Variants in DTX1 observed in about 807,000 individuals in gnomAD.
DTX1 encodes the protein deltex E3 ubiquitin ligase 1, also known as E3 ubiquitin-protein ligase DTX1.
Under a neutral mutation model 57.8 loss-of-function variants are expected in DTX1, and 26 were observed. The observed-to-expected ratio is 0.45, with a 90% CI of 0.33 to 0.62. The LOEUF (loss-of-function observed/expected upper bound fraction) is 0.62. Ranked by LOEUF, DTX1 falls within the 20% of genes least tolerant of loss-of-function variation. The pLI is 0.02. For missense variants in DTX1, 704 were observed against 895.3 expected (o/e 0.79, Z 2.73); for synonymous variants, 398 against 394.1 (o/e 1.01, Z -0.12).
In DTX1 at chr12:113,078,050, C is replaced by T. The variant is rs1189471058; in HGVS notation, c.886C>T (p.Arg296Trp). 2.2e-6 allele frequency: 3 copies of T among 1,359,792 alleles called. No homozygotes were observed. The highest frequency in any genetic ancestry group is 1.5e-5 in the African/African-American group (1 of 65,780). The allele number at this position is 1,359,792 out of a possible 1,614,324, so 84.2% of individuals were successfully genotyped here. A position where few individuals can be genotyped will look rare whatever the true frequency, so the allele number is the denominator to read the frequency against. ...ARTPGQNNLN[R>W]PGPQRTTSVS... ...CACCCCGGGGCAGAACAACCTCAAC[C>T]GGCCCGGGCCCCAGCGCACCACCAG... Residue 296 changes from arginine to tryptophan, a missense_variant, in exon 3 of 10, where the codon CGG becomes TGG. Arg to Trp is a moderately radical substitution (Grantham distance 101). Around this residue, in one of 3 missense-constraint regions of DTX1, gnomAD observed 299 missense variants for 311.2 expected, o/e 0.96. Transcript: ENST00000548759.
chr12:113,095,282 C>CACCT, intron 8 of DTX1, 43 bp from the exon 9 acceptor site: 1 of 1,612,716 alleles, frequency 6.2e-7, no homozygotes, highest in Non-Finnish European at 8.5e-7. Context: ...ACCCTGCCAC[C>CACCT]ACCTGTTCAT....
chr12:113,093,436 AACCCTCCCACCCACCCGAG>A lies in DTX1; in HGVS notation c.1004-102_1004-84del. On this transcript the variant is annotated intron_variant, in intron 4 of 9. Coordinates refer to ENST00000548759, the MANE Select transcript of DTX1 (RefSeq NM_004416.3). The surrounding 1 kb of genome is among the most constrained non-coding windows in gnomAD (Gnocchi z 4.2). ...CTGAGTGGGTGGGGCCCAAGAGCGC[AACCCTCCCACCCACCCGAG>A]GGCCCCGGGATTCCCAGGGCCAGTG... is the stretch of plus-strand genomic sequence containing the variant. 2.3e-6 allele frequency: 2 copies of A among 876,258 alleles called. No individual in the cohort carries two copies. Among genetic ancestry groups the A allele is most frequent in the Non-Finnish European group, 3.4e-6 (2 of 586,200 alleles). The allele number at this position is 876,258 out of a possible 1,614,324, so 54.3% of individuals were successfully genotyped here.
Position 113,096,702 on chromosome 12 carries a change from C to T in DTX1, c.1639-13C>T, listed in dbSNP as rs1950300300. 1 of 1,605,340 alleles carries T rather than the reference C, an allele frequency of 6.2e-7. No individual in the cohort carries two copies. The highest frequency in any genetic ancestry group is 8.5e-7 in the Non-Finnish European group (1 of 1,176,642). On this transcript the variant is annotated splice_polypyrimidine_tract_variant and intron_variant, in intron 9 of 9. Coordinates refer to ENST00000548759, the MANE Select transcript of DTX1 (RefSeq NM_004416.3). Reference sequence around the variant, plus strand: ...GACCTCCTCCCGGCCCCACTGTGTCCCTGTCCCCCCAGGTGCTGCGGCTGC... The same window carrying T: ...GACCTCCTCCCGGCCCCACTGTGTCTCTGTCCCCCCAGGTGCTGCGGCTGC...
chr12:113,091,323 C>T (rs996484139), intron 3 of DTX1, among the ~76,000 whole-genome samples: 2 of 152,014 alleles, frequency 1.3e-5, no homozygotes, highest in African/African-American at 2.4e-5. Flanking sequence ...TTGTGGGGGG[C>T]GTGCCCTGAA....
At chr12:113,088,988 C>G (rs1950226751) in intron 3 of DTX1, among the ~76,000 whole-genome samples, 1 of 152,130 alleles carries the variant, frequency 6.6e-6, no homozygotes, top group African/African-American at 2.4e-5. Context: ...GCACTCTAGC[C>G]AGGACAACAG....
chr12:113,088,816 C>G (rs768541695), intron 3 of DTX1, among the ~76,000 whole-genome samples: 1 of 149,588 alleles, frequency 6.7e-6, no homozygotes, highest in Non-Finnish European at 1.5e-5. Flanking sequence ...GGCAACACAG[C>G]GAGGCCCTGT....
intron 2 of DTX1, among the ~76,000 whole-genome samples, chr12:113,074,028 C>T (rs1336622116): frequency 6.6e-6 from 1 of 152,048 alleles, no homozygotes; most frequent in Non-Finnish European, 1.5e-5. Context: ...GTCAGGAGTT[C>T]GAGACCAGCC....
At chr12:113,067,234 C>G (rs528964122) in intron 2 of DTX1, among the ~76,000 whole-genome samples, 1 of 151,882 alleles carries the variant, frequency 6.6e-6, no homozygotes, top group Non-Finnish European at 1.5e-5. Context: ...AAGCAGAGCA[C>G]GGTAAGAGGA....
At chr12:113,079,865 T>C (rs2044804223) in intron 3 of DTX1, among the ~76,000 whole-genome samples, 1 of 152,140 alleles carries the variant, frequency 6.6e-6, no homozygotes, top group African/African-American at 2.4e-5. Flanking sequence ...GGCCCCCTTC[T>C]TGACCACTTC....
rs369217142 is a variant in DTX1 at position 113,058,590 on chromosome 12, C to T, written c.259+139C>T. 2,546 of 1,409,904 alleles carry T rather than the reference C, an allele frequency of 1.8e-3. 57 individuals are homozygous for T. The South Asian group carries it at 0.03, about 17-fold the overall frequency. 87.3% of individuals were successfully genotyped at this position (1,409,904 alleles called of 1,614,324 possible). A position where few individuals can be genotyped will look rare whatever the true frequency, so the allele number is the denominator to read the frequency against. ...CTGCCTCACCTCCAGAAAAACAGGG[C>T]AGTCTAACCTTGTCCAGTTTAAGAC... On this transcript the variant is annotated intron_variant, in intron 2 of 9. Coordinates refer to ENST00000548759, the MANE Select transcript of DTX1 (RefSeq NM_004416.3).
chr12:113,095,229 C>G (rs368539864), intron 8 of DTX1, 26 bp downstream of exon 8: 11 of 1,603,298 alleles, frequency 6.9e-6, no homozygotes, highest in African/African-American at 1.3e-5. Flanking sequence ...GCCTCTCTGG[C>G]CCCCAGCCCC....
In DTX1 at chr12:113,093,696, A is replaced by G. The variant is rs1354369126; in HGVS notation, c.1161A>G (p.Lys387=). 6.2e-7 allele frequency: 1 copy of G among 1,613,524 alleles called. No individual in the cohort carries two copies. The highest frequency in any genetic ancestry group is 1.1e-5 in the South Asian group (1 of 91,018). ...GCAAGACCAAGAAGAAGCACCTTAA[A>G]AAGAGTACGCCCTCCACGCCCTGCC... ...VCRKTKKKHL[K]KSKNPEDVVR... Residue 387 remains lysine, a synonymous_variant, in exon 5 of 10, where the codon AAA becomes AAG. Coordinates refer to ENST00000548759, the MANE Select transcript of DTX1 (RefSeq NM_004416.3). The surrounding 1 kb of genome is among the most constrained non-coding windows in gnomAD (Gnocchi z 4.2).
chr12:113,074,155 G>A (rs1302971485), intron 2 of DTX1, among the ~76,000 whole-genome samples: 1 of 152,118 alleles, frequency 6.6e-6, no homozygotes, highest in Non-Finnish European at 1.5e-5. Flanking sequence ...TTTGAACCTG[G>A]GAGGCAGAGG....
chr12:113,096,454 A>G (rs1465288302), intron 9 of DTX1, among the ~76,000 whole-genome samples: 1 of 151,176 alleles, frequency 6.6e-6, no homozygotes, highest in Non-Finnish European at 1.5e-5. Flanking sequence ...AAAAAAAAAA[A>G]AAAAAAAAGA....
At chr12:113,071,308 C>T (rs1288377084) in intron 2 of DTX1, among the ~76,000 whole-genome samples, 1 of 152,232 alleles carries the variant, frequency 6.6e-6, no homozygotes, top group Admixed American at 6.5e-5. Context: ...CTGACACTGA[C>T]CAAAGCCCCT....
intron 3 of DTX1, among the ~76,000 whole-genome samples, chr12:113,083,744 C>T (rs1214581592): frequency 6.6e-6 from 1 of 152,208 alleles, no homozygotes. Flanking sequence ...GTCTCTCTCT[C>T]TCTTTCTCTG....
At chr12:113,078,423 G>C (rs2044792281) in intron 3 of DTX1, among the ~76,000 whole-genome samples, 1 of 152,132 alleles carries the variant, frequency 6.6e-6, no homozygotes, top group Non-Finnish European at 1.5e-5. Flanking sequence ...CATCAGCAAT[G>C]GTGCGTGTTC....
At position 113,077,512 on chromosome 12, in the gene DTX1, C is replaced by T. The variant is rs2044781317; in HGVS notation, c.348C>T (p.Gly116=). Residue 116 remains glycine (G), a synonymous_variant, in exon 3 of 10, where the codon GGC becomes GGT. Transcript: ENST00000548759. The surrounding 1 kb of genome is among the most constrained non-coding windows in gnomAD (Gnocchi z 7.8). ...TGTGGGAGTGGGAGAACGACGGCGG[C>T]GCATGGACGGCCTACGATATGGACA... is the stretch of plus-strand genomic sequence containing the variant. ...GIVWEWENDG[G]AWTAYDMDIC... 4 of 1,609,224 alleles carry T rather than the reference C, an allele frequency of 2.5e-6. No homozygotes were observed. Among genetic ancestry groups the T allele is most frequent in the Non-Finnish European group, 3.4e-6 (4 of 1,179,728 alleles).
intron 2 of DTX1, among the ~76,000 whole-genome samples, chr12:113,071,005 T>C (rs1332349515): frequency 6.6e-6 from 1 of 152,218 alleles, no homozygotes; most frequent in African/African-American, 2.4e-5. Context: ...ATGCTAGCCT[T>C]GGTTTCCCTG....
Sources: gnomAD v4.1 joint callset for allele counts (sites outside exome capture counted in the v4.1 genomes callset) on GRCh38, gnomAD v4.1.1 for gene constraint, gnomAD v4.1.1 regional missense constraint, Gnocchi (gnomAD v3.1) non-coding constraint, MANE v1.5 for transcripts, NCBI Gene and HGNC (gene_info 2026-07-23, HGNC 2026-07-21) for gene names.